The following CNTNAP3B variants were observed in gnomAD, a reference collection of about 807,000 sequenced individuals.
The protein encoded by CNTNAP3B is contactin-associated protein-like 3B.
Under a neutral mutation model 108.9 loss-of-function variants are expected in CNTNAP3B, and 25 were observed. That is an observed-to-expected ratio of 0.23 (90% CI 0.17 to 0.32). The LOEUF is 0.32. CNTNAP3B is among the 10% of genes least tolerant of loss of function. CNTNAP3B has a pLI of 1.00. For synonymous variants in CNTNAP3B, 103 were observed against 473.4 expected, an observed-to-expected ratio of 0.22 and a Z score of 10.16; for missense variants, 252 against 1,210.4, an observed-to-expected ratio of 0.21 and a Z score of 11.75.
In CNTNAP3B at chr9:42,113,798, T is replaced by C. The variant is rs1828251877; in HGVS notation, c.86-9059A>G. Among the ~76,000 whole-genome samples, 2 of 139,056 alleles carry C rather than the reference T, an allele frequency of 1.4e-5. 1 individual carries two copies. Among genetic ancestry groups the C allele is most frequent in the South Asian group, 4.6e-4 (2 of 4,324 alleles). 91.2% of individuals were successfully genotyped at this position (139,056 alleles called of 152,430 possible). ...TTTTTAAATAACTTAAAGAGTGTAA[T>C]TGGATTGTTTGCAACTCGAAGGATA... On this transcript the variant is annotated intron_variant, in intron 1 of 23. Transcript: ENST00000377561.
intron 9 of CNTNAP3B, chr9:41,975,132 C>T (rs1319339692): frequency 1.6e-5 from 3 of 191,420 alleles, no homozygotes; most frequent in Non-Finnish European, 3.0e-5. Flanking sequence ...CGGGGAGCAC[C>T]TGCAGGGGCT....
At chr9:42,094,662 A>G (rs1407709133) in intron 2 of CNTNAP3B, among the ~76,000 whole-genome samples, 7 of 111,502 alleles carry the variant, frequency 6.3e-5, no homozygotes, top group Non-Finnish European at 1.3e-4. Flanking sequence ...GTTTCAGAAA[A>G]AGAAAGAGAA....
At chr9:41,993,008 C>A (rs1825837114) in intron 7 of CNTNAP3B, 1 of 26,348 alleles carries the variant, frequency 3.8e-5, no homozygotes, top group Non-Finnish European at 9.3e-5. Context: ...CAGAGAAAAA[C>A]CACAGTAATT....
At chr9:42,106,748 G>T in intron 1 of CNTNAP3B, among the ~76,000 whole-genome samples, 1 of 79,618 alleles carries the variant, frequency 1.3e-5, no homozygotes, top group African/African-American at 5.4e-5. Context: ...GTACAAGAAG[G>T]CAACTAAGGC....
At chr9:42,097,688 A>G (rs1407204913) in intron 2 of CNTNAP3B, among the ~76,000 whole-genome samples, 1 of 137,068 alleles carries the variant, frequency 7.3e-6, no homozygotes, top group Non-Finnish European at 1.6e-5. Context: ...TGAAATATAT[A>G]TTGCCTTTAC....
rs1206776352 is a variant in CNTNAP3B, at chr9:41,934,112, T to TATATATATATATATATATAC, written c.2237+4131_2237+4132insGTATATATATATATATATAT. Among the ~76,000 whole-genome samples, 486 of 126,124 alleles carry TATATATATATATATATATAC rather than the reference T, an allele frequency of 3.9e-3. 4 individuals carry two copies. Among genetic ancestry groups the TATATATATATATATATATAC allele is most frequent in the African/African-American group, 0.014 (464 of 32,906 alleles). 82.7% of individuals were successfully genotyped at this position (126,124 alleles called of 152,430 possible). ...TGCATATTTGTTACATATATATATA[T>TATATATATATATATATATAC]ATATATATATACACACACATATATA... On this transcript the variant is annotated intron_variant, in intron 14 of 23. Coordinates refer to ENST00000377561, the MANE Select transcript of CNTNAP3B (RefSeq NM_001201380.3).
intron 17 of CNTNAP3B, among the ~76,000 whole-genome samples, chr9:41,920,889 C>G (rs1237839358): frequency 1.3e-5 from 2 of 152,304 alleles, no homozygotes; most frequent in Non-Finnish European, 2.9e-5. Flanking sequence ...TCAGAGGGTA[C>G]AGTGCTAAAC....
chr9:41,935,367 T>C (rs1363113731), intron 14 of CNTNAP3B, among the ~76,000 whole-genome samples: 1 of 152,260 alleles, frequency 6.6e-6, no homozygotes, highest in Non-Finnish European at 1.5e-5. Context: ...TTAAAATAGC[T>C]TTCACTTTAC....
chr9:41,934,128 C>CATATATATATAT (rs1393370310), intron 14 of CNTNAP3B, among the ~76,000 whole-genome samples: 3 of 19,422 alleles, frequency 1.5e-4, no homozygotes, highest in South Asian at 1.2e-3. Context: ...TATATACACA[C>CATATATATATAT]ACATATATAT....
chr9:41,961,287 T>C (rs537557253), intron 11 of CNTNAP3B, among the ~76,000 whole-genome samples: 515 of 152,080 alleles, frequency 3.4e-3, no homozygotes, highest in Non-Finnish European at 5.8e-3. Flanking sequence ...GAGACTGTAC[T>C]TTCTCTACAT....
intron 15 of CNTNAP3B, among the ~76,000 whole-genome samples, chr9:41,924,892 G>C (rs1343410599): frequency 6.6e-6 from 1 of 152,264 alleles, no homozygotes; most frequent in Non-Finnish European, 1.5e-5. Context: ...TTGACTTTCA[G>C]AATGTTCCTC....
At chr9:41,977,952 C>G (rs757376958) in intron 9 of CNTNAP3B, among the ~76,000 whole-genome samples, 1 of 129,160 alleles carries the variant, frequency 7.7e-6, no homozygotes, top group Non-Finnish European at 1.7e-5. Context: ...TCATATTGTG[C>G]TGTCTCCAAC....
chr9:41,940,424 C>G (rs910254606), intron 13 of CNTNAP3B, among the ~76,000 whole-genome samples: 15 of 152,280 alleles, frequency 9.9e-5, no homozygotes, highest in Non-Finnish European at 1.9e-4. Flanking sequence ...AATTACAGAA[C>G]CAGAAGGAAT....
intron 15 of CNTNAP3B, among the ~76,000 whole-genome samples, chr9:41,924,826 AGT>A (rs1823768626): frequency 6.6e-6 from 1 of 152,284 alleles, no homozygotes; most frequent in Non-Finnish European, 1.5e-5. Context: ...ATTCTGGTAC[AGT>A]GTGTGAGTCT....
intron 13 of CNTNAP3B, among the ~76,000 whole-genome samples, chr9:41,941,992 C>G (rs1316274941): frequency 6.6e-6 from 1 of 152,304 alleles, no homozygotes; most frequent in Non-Finnish European, 1.5e-5. Context: ...TTCTCCTTAA[C>G]AACATTCTAA....
chr9:41,959,699 C>G (rs1435647776), intron 12 of CNTNAP3B, among the ~76,000 whole-genome samples: 2 of 152,312 alleles, frequency 1.3e-5, no homozygotes, highest in African/African-American at 4.8e-5. Context: ...CTGAACATCC[C>G]CTGTAAAGTT....
intron 1 of CNTNAP3B, among the ~76,000 whole-genome samples, chr9:42,111,122 T>A (rs28404212): frequency 7.4e-6 from 1 of 134,324 alleles, no homozygotes; most frequent in African/African-American, 3.0e-5. Flanking sequence ...CAACTGAATG[T>A]CATGCCTGTC....
At chr9:41,989,781 C>T (rs1438635537) in intron 8 of CNTNAP3B, among the ~76,000 whole-genome samples, 1 of 146,678 alleles carries the variant, frequency 6.8e-6, no homozygotes, top group Non-Finnish European at 1.5e-5. Context: ...ACCTTGGAGA[C>T]ATTTCTTTGA....
At chr9:42,104,288 T>C (rs1375894065) in intron 2 of CNTNAP3B, among the ~76,000 whole-genome samples, 1 of 62,712 alleles carries the variant, frequency 1.6e-5, no homozygotes, top group Non-Finnish European at 3.6e-5. Flanking sequence ...AACAAAAGAA[T>C]CCAAGGTAAA....
Sources: allele counts gnomAD v4.1 joint callset (sites outside exome capture counted in the v4.1 genomes callset), GRCh38; gene constraint gnomAD v4.1.1; transcripts MANE v1.5; gene names NCBI Gene and HGNC (gene_info 2026-07-23, HGNC 2026-07-21).